Variants in PLXNB1 observed in about 807,000 individuals in gnomAD.
PLXNB1 encodes the protein plexin B1, also known as plexin-B1.
In PLXNB1, 106 loss-of-function variants were observed where a neutral mutation model predicts 209.4. The ratio of observed to expected loss-of-function variants is 0.51; its 90% CI spans 0.43 to 0.59. The LOEUF (loss-of-function observed/expected upper bound fraction) is 0.59, where lower values mean the gene tolerates loss of function less well. Ranked by LOEUF, PLXNB1 falls within the 20% of genes least tolerant of loss-of-function variation. PLXNB1 has a pLI of 0.00. For missense variants in PLXNB1, 2,357 were observed against 2,853.2 expected (o/e 0.83, Z 3.96); for synonymous variants, 1,167 against 1,183.2 (o/e 0.99, Z 0.28).
At chr3:48,421,432 C>T (rs747797843) in intron 7 of PLXNB1, 48 bp from the exon 8 acceptor site, 133 of 1,506,778 alleles carry the variant, frequency 8.8e-5, no homozygotes, top group Non-Finnish European at 1.1e-4. Context: ...GGGCAGCAGA[C>T]CAGGGCTCAC....
intron 1 of PLXNB1, among the ~76,000 whole-genome samples, chr3:48,426,831 G>A (rs1179556711): frequency 1.3e-5 from 2 of 152,196 alleles, no homozygotes; most frequent in Non-Finnish European, 2.9e-5. Context: ...CAGGATCCCA[G>A]GACTGTGGCA....
intron 27 of PLXNB1, 93 bp from the exon 28 acceptor site, chr3:48,412,102 A>C: frequency 6.7e-7 from 1 of 1,501,900 alleles, no homozygotes; most frequent in South Asian, 1.1e-5. Flanking sequence ...ACATGGGCTT[A>C]AGGGGACTGA....
intron 3 of PLXNB1, 27 bp from the exon 4 acceptor site, chr3:48,422,974 G>A (rs749237007): frequency 1.3e-6 from 2 of 1,599,254 alleles, no homozygotes; most frequent in Non-Finnish European, 1.7e-6. Context: ...GCATCAGGAA[G>A]GCCCTCCCTG....
In PLXNB1 at chr3:48,404,336, C is replaced by G. The variant is rs933977434; in HGVS notation, c.*150G>C. ...GTCTAGGAGGTGGATCCAGCAGGGC[C>G]GAGGCCAGAGCCACCAGGAGACTGG... is the stretch of plus-strand genomic sequence containing the variant. On this transcript the variant is annotated 3_prime_UTR_variant, in exon 38 of 38. Transcript: ENST00000296440. 1.7e-6 allele frequency: 1 copy of G among 597,956 alleles called. No homozygotes were observed. Among genetic ancestry groups the G allele is most frequent in the Non-Finnish European group, 2.9e-6 (1 of 339,024 alleles). 37.0% of individuals were successfully genotyped at this position (597,956 alleles called of 1,614,324 possible). A position where few individuals can be genotyped will look rare whatever the true frequency, so the allele number is the denominator to read the frequency against.
Position 48,413,827 on chromosome 3 carries a change from G to C in PLXNB1, c.4387-9C>G. ...AAGTTCCCCATCTGCACCTGTGTCA[G>C]GAGCCACCTGTGAGCAAGGGTTTGG... On this transcript the variant is annotated splice_polypyrimidine_tract_variant and intron_variant, in intron 22 of 37. Transcript: ENST00000296440. The surrounding 1 kb of genome is among the most constrained non-coding windows in gnomAD (Gnocchi z 5.4). The C allele has an allele frequency of 1.2e-6, 2 of 1,612,094 alleles. No homozygotes were observed. Among genetic ancestry groups the C allele is most frequent in the Non-Finnish European group, 1.7e-6 (2 of 1,178,722 alleles).
At chr3:48,427,194 C>CA (rs1041848109) in intron 1 of PLXNB1, among the ~76,000 whole-genome samples, 62 of 146,588 alleles carry the variant, frequency 4.2e-4, no homozygotes, top group South Asian at 1.7e-3. Context: ...AAAACAAAAA[C>CA]AAAAAAAAAA....
rs573973183 is a variant in PLXNB1, at chr3:48,407,248, G to A, written c.6088-157C>T. On this transcript the variant is annotated intron_variant, in intron 34 of 37. Coordinates refer to ENST00000296440, the MANE Select transcript of PLXNB1 (RefSeq NM_001130082.3). Reference sequence around the variant, plus strand: ...CCCTGAGTCCCGGAAAACCAGGACAGGTGGTCACCCTCGCCTACTTCCTTC... The same window carrying A: ...CCCTGAGTCCCGGAAAACCAGGACAAGTGGTCACCCTCGCCTACTTCCTTC... Among the ~76,000 whole-genome samples the A allele has an allele frequency of 7.2e-5, 11 of 152,224 alleles. No individual in the cohort carries two copies. In the East Asian group the frequency reaches 1.5e-3, roughly 21 times the overall value.
In PLXNB1 at chr3:48,412,751, G is replaced by A. The variant is rs267599853; in HGVS notation, c.4845C>T (p.Phe1615=). ...QLSNLLNSKL[F]LTKFIHTLES... The stretch of plus-strand genomic sequence containing the variant: ...ATGCAGCTGGGGGTACCTTGGTGAG[G>A]AAGAGCTTGCTGTTGAGCAGGTTAG... The change falls in exon 25 of 38, where the codon TTC becomes TTT. Residue 1615 remains phenylalanine (F), a synonymous_variant. Coordinates refer to ENST00000296440, the MANE Select transcript of PLXNB1 (RefSeq NM_001130082.3). 6.2e-7 allele frequency: 1 copy of A among 1,612,424 alleles called. No homozygotes were observed. The highest frequency in any genetic ancestry group is 8.5e-7 in the Non-Finnish European group (1 of 1,179,146).
At position 48,413,895 on chromosome 3, in the gene PLXNB1, C is replaced by T. The variant is rs1459900106; in HGVS notation, c.4386G>A (p.Thr1462=). 1.2e-6 allele frequency: 2 copies of T among 1,607,754 alleles called. No homozygotes were observed. The highest frequency in any genetic ancestry group is 1.7e-5 in the Admixed American group (1 of 59,678). The change falls in exon 22 of 38, where the codon ACG becomes ACA. Residue 1462 remains threonine (T), a splice_region_variant and synonymous_variant. Transcript: ENST00000296440. The surrounding 1 kb of genome is among the most constrained non-coding windows in gnomAD (Gnocchi z 5.4). ...REAPDSLPEF[T]VQMGNLRFSL... ...CCCGGCCAGGGACCTGCCCACTGAC[C>T]GTGAACTCAGGCAAAGAGTCAGGTG...
chr3:48,422,361 A>C lies in PLXNB1; in HGVS notation c.1389T>G (p.Phe463Leu), dbSNP rs1201127712. 5.6e-6 allele frequency: 9 copies of C among 1,610,130 alleles called. No homozygotes were observed. Among genetic ancestry groups the C allele is most frequent in the East Asian group, 2.2e-5 (1 of 44,856 alleles). ...TCTGGGTCATGACATACAGGTGCTC[A>C]AAGGTCCCATCAAAGGTGAGGTCTC... Reference protein sequence around the residue: ...VSRDLTFDGTFEHLYVMTQST... With the variant: ...VSRDLTFDGTLEHLYVMTQST... Residue 463 changes from phenylalanine (F) to leucine (L), a missense_variant, in exon 5 of 38, where the codon TTT (phenylalanine) becomes TTG (leucine). This residue lies in a region of PLXNB1 where 404 missense variants were observed against 443.6 expected (regional missense o/e 0.91). Transcript: ENST00000296440.
rs1198457868 is a variant in PLXNB1, at chr3:48,414,084, G to A, written c.4210-13C>T. 1.2e-6 allele frequency: 2 copies of A among 1,613,278 alleles called. No individual in the cohort carries two copies. The highest frequency in any genetic ancestry group is 1.7e-5 in the Admixed American group (1 of 59,992). On this transcript the variant is annotated splice_polypyrimidine_tract_variant and intron_variant, in intron 21 of 37. Coordinates refer to ENST00000296440, the MANE Select transcript of PLXNB1 (RefSeq NM_001130082.3). Reference sequence around the variant, plus strand: ...CCAGGTTCTCCCCCTGGAACAGAGGGTCACCGATCAGTCACTCAGGACCCT... The same window carrying A: ...CCAGGTTCTCCCCCTGGAACAGAGGATCACCGATCAGTCACTCAGGACCCT...
Position 48,404,465 on chromosome 3 carries a change from C to A in PLXNB1, c.*21G>T. 1 of 1,547,022 alleles carries A rather than the reference C, an allele frequency of 6.5e-7. No homozygotes were observed. Among genetic ancestry groups the A allele is most frequent in the Non-Finnish European group, 8.9e-7 (1 of 1,122,050 alleles). ...TGCCCAGGCCAGGCTGAAGCAACAG[C>A]AGGCCGTGGCTCCTGGGTTCCTATA... On this transcript the variant is annotated 3_prime_UTR_variant, in exon 38 of 38. Coordinates refer to ENST00000296440, the MANE Select transcript of PLXNB1 (RefSeq NM_001130082.3).
rs1472024060 is a variant in PLXNB1 at position 48,406,822 on chromosome 3, C to G, written c.6228+1G>C. ...ACCCAAGAAGCAGAGGGAGGCCTTA[C>G]CCAGGACAGTTCAGCCAGGACAGAG... On this transcript the variant is annotated splice_donor_variant, in intron 36 of 37. Coordinates refer to ENST00000296440, the MANE Select transcript of PLXNB1 (RefSeq NM_001130082.3). LOFTEE classifies it high-confidence loss of function. This position sits in a 1 kb window ranked among gnomAD's most constrained non-coding sequence, Gnocchi z 4.4. The G allele has an allele frequency of 6.2e-7, 1 of 1,606,086 alleles. No homozygotes were observed. Among genetic ancestry groups the G allele is most frequent in the Admixed American group, 1.7e-5 (1 of 58,982 alleles).
chr3:48,413,243 G>T lies in PLXNB1; in HGVS notation c.4536-74C>A. ...CCCAGGCCTGCCTGACAATCCCCAG[G>T]CACACCCCGGCCTCATCCAGCACAG... is the stretch of plus-strand genomic sequence containing the variant. On this transcript the variant is annotated intron_variant, in intron 23 of 37. Transcript: ENST00000296440. This position sits in a 1 kb window ranked among gnomAD's most constrained non-coding sequence, Gnocchi z 5.4. 8.6e-7 allele frequency: 1 copy of T among 1,163,738 alleles called. No homozygotes were observed. The allele number at this position is 1,163,738 out of a possible 1,614,324, so 72.1% of individuals were successfully genotyped here.
rs758889996 is a variant in PLXNB1 at position 48,412,701 on chromosome 3, GCAGGGC to G, written c.4854+35_4854+40del. On this transcript the variant is annotated intron_variant, in intron 25 of 37. Transcript: ENST00000296440. The stretch of plus-strand genomic sequence containing the variant: ...TCAGAAACCATGCCCTGGAGAAGGG[GCAGGGC>G]CAGGGGCAGGCCAGGAAGATGCAGC... 19 of 1,602,410 alleles carry G rather than the reference GCAGGGC, an allele frequency of 1.2e-5. No individual in the cohort carries two copies. In the South Asian group the frequency reaches 2.1e-4, roughly 18 times the overall value.
intron 34 of PLXNB1, among the ~76,000 whole-genome samples, chr3:48,408,549 T>C (rs10470686): frequency 0.6 from 91,202 of 151,974 alleles, 27,466 homozygotes; most frequent in South Asian, 0.68. Flanking sequence ...CGGCTCCAAC[T>C]ACTCAGTCTC....
intron 21 of PLXNB1, 53 bp from the exon 22 acceptor site, chr3:48,414,124 T>C (rs963450964): frequency 3.2e-6 from 5 of 1,575,532 alleles, no homozygotes; most frequent in Admixed American, 3.3e-5. Context: ...TCAGATCCTG[T>C]CCTCCCCAAA....
chr3:48,427,892 C>T (rs1229231327), intron 1 of PLXNB1, among the ~76,000 whole-genome samples: 2 of 152,228 alleles, frequency 1.3e-5, no homozygotes, highest in African/African-American at 2.4e-5. Flanking sequence ...TCAGGCTTTC[C>T]GAGCCTCAGA....
chr3:48,426,239 T>C (rs1259814243), intron 1 of PLXNB1, among the ~76,000 whole-genome samples: 4 of 152,098 alleles, frequency 2.6e-5, no homozygotes. Flanking sequence ...TCCCCAGACT[T>C]TGGGTGCCTG....
Sources: gnomAD v4.1 joint callset for allele counts (sites outside exome capture counted in the v4.1 genomes callset) on GRCh38, gnomAD v4.1.1 for gene constraint, gnomAD v4.1.1 regional missense constraint, Gnocchi (gnomAD v3.1) non-coding constraint, MANE v1.5 for transcripts, NCBI Gene and HGNC (gene_info 2026-07-23, HGNC 2026-07-21) for gene names.